SNX29: variants seen among roughly 807,000 people sequenced by gnomAD.
SNX29 encodes the protein sorting nexin 29, also known as sorting nexin-29.
In SNX29, 78 loss-of-function variants were observed where a neutral mutation model predicts 102.1. The ratio of observed to expected loss-of-function variants is 0.76; its 90% confidence interval spans 0.64 to 0.92. The LOEUF is 0.92. Among genes scored for constraint, SNX29 ranks in the 40% least tolerant of loss-of-function variants. The probability of loss-of-function intolerance (pLI) is 0.00; values close to 1 mark genes in which losing one functional copy is unlikely to be tolerated. For synonymous variants in SNX29, 580 were observed against 414.5 expected, an observed-to-expected ratio of 1.40 and a Z score of -4.85; for missense variants, 1,280 against 1,061.7, an observed-to-expected ratio of 1.21 and a Z score of -2.86.
intron 18 of SNX29, among the ~76,000 whole-genome samples, chr16:12,433,843 GA>G (rs1371603772): frequency 6.6e-6 from 1 of 152,114 alleles, no homozygotes; most frequent in Non-Finnish European, 1.5e-5. Context: ...CAAAAACCCA[GA>G]AAACTAATGA....
chr16:12,262,640 A>G (rs1368024566), intron 14 of SNX29, among the ~76,000 whole-genome samples: 1 of 152,238 alleles, frequency 6.6e-6, no homozygotes, highest in Non-Finnish European at 1.5e-5. Flanking sequence ...TTTGTCTGAT[A>G]GAAAACAAAA....
chr16:12,548,536 T>TG (rs1258871856), intron 20 of SNX29, among the ~76,000 whole-genome samples: 1 of 152,200 alleles, frequency 6.6e-6, no homozygotes, highest in Non-Finnish European at 1.5e-5. Flanking sequence ...TGCAGCCTTC[T>TG]GGGAATTCCC....
chr16:12,422,160 G>A (rs1402859312), intron 18 of SNX29, among the ~76,000 whole-genome samples: 1 of 152,174 alleles, frequency 6.6e-6, no homozygotes, highest in Middle Eastern at 3.2e-3. Flanking sequence ...AAAACATACA[G>A]CTGGCAGGCT....
chr16:12,404,749 T>C (rs557822698), intron 18 of SNX29, among the ~76,000 whole-genome samples: 1 of 152,324 alleles, frequency 6.6e-6, no homozygotes, highest in Non-Finnish European at 1.5e-5. Context: ...CTTAGTTTCT[T>C]CAGCTGTAAA....
intron 18 of SNX29, among the ~76,000 whole-genome samples, chr16:12,470,145 C>T (rs2087265395): frequency 6.6e-6 from 1 of 152,210 alleles, no homozygotes; most frequent in African/African-American, 2.4e-5. Flanking sequence ...CCAGCTAATA[C>T]TAGTTTTCAC....
At chr16:12,336,282 G>C (rs1225936302) in intron 15 of SNX29, among the ~76,000 whole-genome samples, 2 of 152,154 alleles carry the variant, frequency 1.3e-5, no homozygotes, top group Non-Finnish European at 2.9e-5. Context: ...ATTCAGAATA[G>C]ACTCTCTGCT....
intron 18 of SNX29, among the ~76,000 whole-genome samples, chr16:12,423,463 C>CA (rs1285691964): frequency 1.3e-5 from 2 of 152,178 alleles, no homozygotes; most frequent in Non-Finnish European, 2.9e-5. Flanking sequence ...GGGGCTCAGG[C>CA]AAACCCTACG....
In SNX29 at chr16:12,199,690, G is replaced by A; in HGVS notation, c.1678+7G>A. On this transcript the variant is annotated splice_region_variant and intron_variant, in intron 14 of 20. Transcript: ENST00000566228. ...GAAGGTCAAACAGCTGAAGGTGAGG[G>A]GGAGCCTGAGCCCGGGTTGGGAGGG... The A allele has an allele frequency of 6.2e-7, 1 of 1,610,138 alleles. No homozygotes were observed. The highest frequency in any genetic ancestry group is 8.5e-7 in the Non-Finnish European group (1 of 1,178,042).
At chr16:12,384,034 G>C (rs1417720609) in intron 16 of SNX29, among the ~76,000 whole-genome samples, 1 of 152,148 alleles carries the variant, frequency 6.6e-6, no homozygotes, top group Non-Finnish European at 1.5e-5. Context: ...CATCCATGTT[G>C]TTGCAAATGA....
At chr16:12,022,552 A>G (rs952398308) in intron 3 of SNX29, among the ~76,000 whole-genome samples, 5 of 152,138 alleles carry the variant, frequency 3.3e-5, no homozygotes, top group African/African-American at 7.2e-5. Flanking sequence ...ATCGATCACA[A>G]TTCAGTTTTA....
intron 13 of SNX29, among the ~76,000 whole-genome samples, chr16:12,177,717 A>G (rs894656759): frequency 1.4e-4 from 22 of 152,134 alleles, no homozygotes; most frequent in South Asian, 4.1e-4. Flanking sequence ...ATTTTTTTCC[A>G]GTCTTTTAAA....
In SNX29 at chr16:12,043,133, A is replaced by G. The variant is rs2049953695; in HGVS notation, c.428+56A>G. On this transcript the variant is annotated intron_variant, in intron 5 of 20. Coordinates refer to ENST00000566228, the MANE Select transcript of SNX29 (RefSeq NM_032167.5). The stretch of plus-strand genomic sequence containing the variant: ...ATGGAGCAAGAGGTGAAGATCTTGG[A>G]GTCTGGAATCAGACCACCTGGATTT... The G allele has an allele frequency of 1.3e-5, 20 of 1,593,164 alleles. No homozygotes were observed. The East Asian group carries it at 4.5e-4, about 36-fold the overall frequency.
intron 20 of SNX29, among the ~76,000 whole-genome samples, chr16:12,542,136 C>T (rs4513084): frequency 0.11 from 17,335 of 152,176 alleles, 1,332 homozygotes; most frequent in Non-Finnish European, 0.16. Context: ...ATTTCCAATT[C>T]AGCCCACGCT....
chr16:12,536,589 C>T (rs986506970), intron 20 of SNX29, among the ~76,000 whole-genome samples: 1 of 152,138 alleles, frequency 6.6e-6, no homozygotes, highest in Non-Finnish European at 1.5e-5. Context: ...ACACCTAGCA[C>T]AGAGAACGCA....
At position 12,032,759 on chromosome 16, in the gene SNX29, A is replaced by G. The variant is rs559177331; in HGVS notation, c.247+5315A>G. On this transcript the variant is annotated intron_variant, in intron 4 of 20. Coordinates refer to ENST00000566228, the MANE Select transcript of SNX29 (RefSeq NM_032167.5). ...TTTAGAAACCATCAGAGGGTTTTCC[A>G]TAGAGGCTATACCCTGTTGCATTCC... Among the ~76,000 whole-genome samples the G allele has an allele frequency of 3.9e-5, 6 of 152,106 alleles. No homozygotes were observed. In the South Asian group the frequency reaches 8.3e-4, roughly 21 times the overall value.
intron 19 of SNX29, among the ~76,000 whole-genome samples, chr16:12,492,175 A>G (rs2088583554): frequency 6.6e-6 from 1 of 152,170 alleles, no homozygotes; most frequent in African/African-American, 2.4e-5. Flanking sequence ...GTTTCTCCAC[A>G]TCCTCGCCAG....
chr16:12,482,774 A>G (rs976309271), intron 19 of SNX29, among the ~76,000 whole-genome samples: 1 of 152,196 alleles, frequency 6.6e-6, no homozygotes, highest in South Asian at 2.1e-4. Flanking sequence ...TATTTCCCCT[A>G]CAATGCCATC....
At chr16:12,030,789 A>G (rs1041765513) in intron 4 of SNX29, among the ~76,000 whole-genome samples, 6 of 152,060 alleles carry the variant, frequency 3.9e-5, no homozygotes, top group East Asian at 1.9e-4. Context: ...TCTCTTCCCT[A>G]CTGGCTGTAT....
At position 12,569,915 on chromosome 16, in the gene SNX29, G is replaced by C; in HGVS notation, c.*1286G>C. The C allele has an allele frequency of 4.3e-6, 1 of 232,276 alleles. No homozygotes were observed. The highest frequency in any genetic ancestry group is 8.5e-6 in the Non-Finnish European group (1 of 117,472). 14.4% of individuals were successfully genotyped at this position (232,276 alleles called of 1,614,324 possible). On this transcript the variant is annotated 3_prime_UTR_variant, in exon 21 of 21. Transcript: ENST00000566228. Reference sequence around the variant, plus strand: ...CGCCTTAATCTGAGGCAGAGACACAGCAGAACCTGAGGAGAAAAGCAGGTG... The same window carrying C: ...CGCCTTAATCTGAGGCAGAGACACACCAGAACCTGAGGAGAAAAGCAGGTG...
Sources: gnomAD v4.1 joint callset for allele counts (sites outside exome capture counted in the v4.1 genomes callset) on GRCh38, gnomAD v4.1.1 for gene constraint, MANE v1.5 for transcripts, NCBI Gene and HGNC (gene_info 2026-07-23, HGNC 2026-07-21) for gene names.